Variants in YJEFN3 observed in about 807,000 individuals in gnomAD.
YJEFN3 encodes the protein yjeF N-terminal domain-containing protein 3.
In YJEFN3, 29 loss-of-function variants were observed where a neutral mutation model predicts 31.5. That is an observed-to-expected ratio of 0.92 (90% confidence interval 0.69 to 1.26). YJEFN3 has a LOEUF of 1.26. YJEFN3 is among the 50% of genes most tolerant of loss of function. The probability of loss-of-function intolerance (pLI) is 0.00; values close to 1 mark genes in which losing one functional copy is unlikely to be tolerated. For missense variants in YJEFN3, 442 were observed against 425.4 expected, an observed-to-expected ratio of 1.04 and a Z score of -0.34; for synonymous variants, 227 against 196.1, an observed-to-expected ratio of 1.16 and a Z score of -1.32.
At position 19,534,989 on chromosome 19, in the gene YJEFN3, G is replaced by C. The variant is rs754921291; in HGVS notation, c.319-45G>C. Reference sequence around the variant, plus strand: ...CTCAGTTTCCTCTCCAGGCAAGGAGGAATCTGGACTGTGCCTGTGCCTTTG... The same window carrying C: ...CTCAGTTTCCTCTCCAGGCAAGGAGCAATCTGGACTGTGCCTGTGCCTTTG... On this transcript the variant is annotated intron_variant, in intron 3 of 6. Transcript: ENST00000514277. This position sits in a 1 kb window ranked among gnomAD's most constrained non-coding sequence, Gnocchi z 4.6. 3.7e-4 allele frequency: 544 copies of C among 1,480,462 alleles called. No individual in the cohort carries two copies. The Middle Eastern group carries it at 0.011, about 30-fold the overall frequency. 91.7% of individuals were successfully genotyped at this position (1,480,462 alleles called of 1,614,324 possible). A position where few individuals can be genotyped will look rare whatever the true frequency, so the allele number is the denominator to read the frequency against.
chr19:19,533,228 G>A, intron 3 of YJEFN3: 1 of 990,272 alleles, frequency 1.0e-6, no homozygotes, highest in South Asian at 4.6e-5. Context: ...GGGCCAGGAG[G>A]ATGACACAAG....
chr19:19,529,093 C>A lies in YJEFN3; in HGVS notation c.59+102C>A, dbSNP rs990170473. 2.7e-6 allele frequency: 4 copies of A among 1,502,894 alleles called. No individual in the cohort carries two copies. In the African/African-American group the frequency reaches 4.2e-5, roughly 16 times the overall value. 93.1% of individuals were successfully genotyped at this position (1,502,894 alleles called of 1,614,324 possible). On this transcript the variant is annotated intron_variant, in intron 1 of 6. Coordinates refer to ENST00000514277, the MANE Select transcript of YJEFN3 (RefSeq NM_198537.4). ...GGTCATAGCTGGGACAGAATGGGGT[C>A]CGGGGACTGGAGACGGGCACAGCCG...
rs773284347 is a variant in YJEFN3, at chr19:19,537,475, C to G, written c.851C>G (p.Ala284Gly). 1.3e-6 allele frequency: 2 copies of G among 1,585,116 alleles called. No homozygotes were observed. Among genetic ancestry groups the G allele is most frequent in the South Asian group, 2.2e-5 (2 of 89,236 alleles). Residue 284 changes from alanine to glycine, a missense_variant, in exon 7 of 7, where the codon GCT (alanine) becomes GGT (glycine). Coordinates refer to ENST00000514277, the MANE Select transcript of YJEFN3 (RefSeq NM_198537.4). Reference sequence around the variant, plus strand: ...CCCGATGACGTGCGCCGCAAGTTCGCTCTGCGCCTGCCGGGATACACGGGC... The same window carrying G: ...CCCGATGACGTGCGCCGCAAGTTCGGTCTGCGCCTGCCGGGATACACGGGC... The part of the protein sequence containing the change: ...FVPDDVRRKF[A>G]LRLPGYTGTD...
chr19:19,531,320 C>CT (rs1472410256), intron 2 of YJEFN3, among the ~76,000 whole-genome samples: 1 of 152,208 alleles, frequency 6.6e-6, no homozygotes, highest in Non-Finnish European at 1.5e-5. Context: ...TCCCAACTTG[C>CT]TTCCTGCATG....
rs1029816661 is a variant in YJEFN3 at position 19,529,593 on chromosome 19, C to T, written c.209+80C>T. On this transcript the variant is annotated intron_variant, in intron 2 of 6. Coordinates refer to ENST00000514277, the MANE Select transcript of YJEFN3 (RefSeq NM_198537.4). ...CTCCTCAGCCTTTGTGACATGGGAC[C>T]CCAGGCAAGGCTGTTGACCTCACTG... 3.2e-6 allele frequency: 5 copies of T among 1,549,388 alleles called. No homozygotes were observed. The African/African-American group carries it at 6.8e-5, about 21-fold the overall frequency.
In YJEFN3 at chr19:19,529,912, G is replaced by A. The variant is rs140014669; in HGVS notation, c.209+399G>A. On this transcript the variant is annotated intron_variant, in intron 2 of 6. Transcript: ENST00000514277. The stretch of plus-strand genomic sequence containing the variant: ...GAGTTTGAATGTTCCCAGAGCCCTC[G>A]GGAGCCATCAGCAGGTTTGGGACCC... Among the ~76,000 whole-genome samples, 321 of 152,296 alleles carry A rather than the reference G, an allele frequency of 2.1e-3. 2 individuals carry two copies. Among genetic ancestry groups the A allele is most frequent in the South Asian group, 0.016 (77 of 4,816 alleles).
chr19:19,530,450 C>T (rs1053362421), intron 2 of YJEFN3, among the ~76,000 whole-genome samples: 1 of 150,768 alleles, frequency 6.6e-6, no homozygotes, highest in African/African-American at 2.4e-5. Context: ...GCCCACAGAG[C>T]CCCCATTATT....
rs1287463877 is a variant in YJEFN3 at position 19,535,718 on chromosome 19, G to T, written c.694+39G>T. ...AGGGGGGCACATTGGGGCCTGGGGGGCTTGGGTGGAGGCCCCTGTGCCCCA... is the reference window on the plus strand; with the variant it reads ...AGGGGGGCACATTGGGGCCTGGGGGTCTTGGGTGGAGGCCCCTGTGCCCCA... On this transcript the variant is annotated intron_variant, in intron 6 of 6. Coordinates refer to ENST00000514277, the MANE Select transcript of YJEFN3 (RefSeq NM_198537.4). The T allele has an allele frequency of 1.9e-6, 3 of 1,540,976 alleles. No individual in the cohort carries two copies. The African/African-American group carries it at 4.1e-5, about 21-fold the overall frequency.
chr19:19,531,143 T>G (rs981703734), intron 2 of YJEFN3, among the ~76,000 whole-genome samples: 2 of 152,250 alleles, frequency 1.3e-5, no homozygotes, highest in African/African-American at 2.4e-5. Flanking sequence ...CTACCTGGCC[T>G]TATCATGCTG....
At chr19:19,535,315 C>T (rs750239889) in intron 4 of YJEFN3, 22 bp from the exon 5 acceptor site, 2 of 1,607,084 alleles carry the variant, frequency 1.2e-6, no homozygotes, top group African/African-American at 1.3e-5. Flanking sequence ...GGGAGTCTGA[C>T]CCCCTCTTCT....
At chr19:19,529,643 C>G (rs948627576) in intron 2 of YJEFN3, 130 bp downstream of exon 2, 226 of 1,205,222 alleles carry the variant, frequency 1.9e-4, no homozygotes, top group Non-Finnish European at 2.5e-4. Context: ...CCAACAGCTC[C>G]TGCCCACTGC....
chr19:19,537,304 A>T lies in YJEFN3; in HGVS notation c.695-15A>T. The stretch of plus-strand genomic sequence containing the variant: ...CCCTCCCAGTTCCCAATCCCCCCGG[A>T]CCCTCCTCCCTCAGGCTGGGACGCA... On this transcript the variant is annotated splice_polypyrimidine_tract_variant and intron_variant, in intron 6 of 6. Coordinates refer to ENST00000514277, the MANE Select transcript of YJEFN3 (RefSeq NM_198537.4). 1 of 1,573,482 alleles carries T rather than the reference A, an allele frequency of 6.4e-7. No individual in the cohort carries two copies. Among genetic ancestry groups the T allele is most frequent in the Non-Finnish European group, 8.6e-7 (1 of 1,165,774 alleles).
chr19:19,532,604 T>A, intron 2 of YJEFN3, 28 bp from the exon 3 acceptor site: 1 of 1,451,718 alleles, frequency 6.9e-7, no homozygotes, highest in Non-Finnish European at 9.3e-7. Context: ...TGTGTGTCTC[T>A]GAGTGTCCCA....
chr19:19,529,141 G>T, intron 1 of YJEFN3, 150 bp downstream of exon 1: 1 of 1,466,950 alleles, frequency 6.8e-7, no homozygotes, highest in Non-Finnish European at 9.0e-7. Context: ...AACGGCAGAG[G>T]CATGACCACG....
At chr19:19,533,575 C>G in intron 3 of YJEFN3, 2 of 814,194 alleles carry the variant, frequency 2.5e-6, no homozygotes, top group Non-Finnish European at 3.0e-6. Flanking sequence ...TCCTGTTCTC[C>G]TTCCTCCTTC....
intron 2 of YJEFN3, 61 bp downstream of exon 2, chr19:19,529,574 A>G (rs2061133931): frequency 4.5e-6 from 7 of 1,571,528 alleles, no homozygotes; most frequent in Non-Finnish European, 5.2e-6. Context: ...CATCCTCCTC[A>G]GCCTTTGTGA....
chr19:19,537,295 TCC>T, intron 6 of YJEFN3, 22 bp from the exon 7 acceptor site: 4 of 1,550,638 alleles, frequency 2.6e-6, no homozygotes, highest in Non-Finnish European at 3.5e-6. Flanking sequence ...CAGTTCCCAA[TCC>T]CCCCGGACCC....
chr19:19,535,657 C>T lies in YJEFN3; in HGVS notation c.672C>T (p.Leu224=), dbSNP rs773953726. 6.4e-6 allele frequency: 10 copies of T among 1,569,352 alleles called. No individual in the cohort carries two copies. The highest frequency in any genetic ancestry group is 5.4e-5 in the African/African-American group (4 of 73,834). The change falls in exon 6 of 7, where the codon CTC becomes CTT. Residue 224 remains leucine, a synonymous_variant. Coordinates refer to ENST00000514277, the MANE Select transcript of YJEFN3 (RefSeq NM_198537.4). ...LATLKLLSIP[L]VSLDIPSGWD... ...CGCTCAAGCTGCTGTCCATCCCCCT[C>T]GTGAGCCTGGACATCCCCTCAGGCA...
chr19:19,529,135 G>T, intron 1 of YJEFN3, 144 bp downstream of exon 1: 1 of 1,471,240 alleles, frequency 6.8e-7, no homozygotes, highest in South Asian at 1.4e-5. Flanking sequence ...AGGTTCAACG[G>T]CAGAGGCATG....
Sources: gnomAD v4.1 joint callset for allele counts (sites outside exome capture counted in the v4.1 genomes callset) on GRCh38, gnomAD v4.1.1 for gene constraint, Gnocchi (gnomAD v3.1) non-coding constraint, MANE v1.5 for transcripts, NCBI Gene and HGNC (gene_info 2026-07-23, HGNC 2026-07-21) for gene names.